Variants in PTPN22 observed in about 807,000 individuals in gnomAD.
PTPN22 encodes protein tyrosine phosphatase non-receptor type 22, also known as tyrosine-protein phosphatase non-receptor type 22.
PTPN22 carries 85 observed loss-of-function variants against 103.3 expected under a neutral mutation model. The ratio of observed to expected loss-of-function variants is 0.82; its 90% CI spans 0.69 to 0.99. PTPN22 has a LOEUF of 0.99. PTPN22 is among the 50% of genes least tolerant of loss of function. The probability of loss-of-function intolerance (pLI) is 0.00; values close to 1 mark genes in which losing one functional copy is unlikely to be tolerated. For missense variants in PTPN22, 865 were observed against 936.9 expected (o/e 0.92, Z 1.00); for synonymous variants, 323 against 310.2 (o/e 1.04, Z -0.43).
chr1:113,824,651 G>C (rs1661892687), intron 19 of PTPN22, among the ~76,000 whole-genome samples: 1 of 152,104 alleles, frequency 6.6e-6, no homozygotes, highest in Non-Finnish European at 1.5e-5. Context: ...AGGTTAGACT[G>C]CTGGAAATTT....
chr1:113,853,887 A>T (rs1664816405), intron 9 of PTPN22, among the ~76,000 whole-genome samples: 2 of 100,180 alleles, frequency 2.0e-5, no homozygotes, highest in African/African-American at 4.6e-5. Context: ...TTTTTTTGAG[A>T]CAGAGTCTCG....
intron 9 of PTPN22, among the ~76,000 whole-genome samples, chr1:113,853,239 A>T (rs1458022312): frequency 2.0e-5 from 3 of 152,098 alleles, no homozygotes; most frequent in Non-Finnish European, 4.4e-5. Context: ...CAACCAGCCA[A>T]GTTTGCTTGG....
Position 113,856,311 on chromosome 1 carries a change from C to A in PTPN22, c.540+71G>T, listed in dbSNP as rs1039855466. The A allele has an allele frequency of 4.7e-6, 7 of 1,474,728 alleles. No homozygotes were observed. The Admixed American group carries it at 7.8e-5, about 16-fold the overall frequency. The allele number at this position is 1,474,728 out of a possible 1,614,324, so 91.4% of individuals were successfully genotyped here. On this transcript the variant is annotated intron_variant, in intron 7 of 20. Coordinates refer to ENST00000359785, the Ensembl canonical transcript of PTPN22. ...CCCATTGTCTTATGCCCAGCCTGAG[C>A]TACACACATCTATATTTACTTGCCT...
In PTPN22 at chr1:113,814,777, A is replaced by G. The variant is rs537312489; in HGVS notation, c.*128T>C. On this transcript the variant is annotated 3_prime_UTR_variant, in exon 21 of 21. Coordinates refer to ENST00000359785, the Ensembl canonical transcript of PTPN22. ...GCATTTTGCTTTTCTTTTAAAAGCTATTAACACATTAGCATATCTTCATAT... is the reference window on the plus strand; with the variant it reads ...GCATTTTGCTTTTCTTTTAAAAGCTGTTAACACATTAGCATATCTTCATAT... The G allele has an allele frequency of 9.7e-5, 75 of 774,420 alleles. No individual in the cohort carries two copies. The East Asian group carries it at 1.9e-3, about 19-fold the overall frequency. The allele number at this position is 774,420 out of a possible 1,614,324, so 48.0% of individuals were successfully genotyped here.
At chr1:113,855,184 G>A (rs1232610676) in intron 7 of PTPN22, 135 bp from the exon 8 acceptor site, 25 of 725,338 alleles carry the variant, frequency 3.4e-5, no homozygotes, top group South Asian at 2.0e-4. Context: ...TTACGCCCTT[G>A]TGTCTTATAT....
rs1454197446 is a variant in PTPN22 at position 113,854,460 on chromosome 1, G to A, written c.750+11C>T. The A allele has an allele frequency of 1.9e-6, 3 of 1,609,916 alleles. No individual in the cohort carries two copies. Among genetic ancestry groups the A allele is most frequent in the Non-Finnish European group, 2.6e-6 (3 of 1,176,160 alleles). ...TAAGCAAATGGGAAGTGCCTGCTGAGAGAAACTCACCCCATCTTTTAGCAA... is the reference window on the plus strand; with the variant it reads ...TAAGCAAATGGGAAGTGCCTGCTGAAAGAAACTCACCCCATCTTTTAGCAA... On this transcript the variant is annotated intron_variant, in intron 9 of 20. Transcript: ENST00000359785.
At chr1:113,856,640 C>T in intron 5 of PTPN22, 21 bp from the exon 6 acceptor site, 1 of 1,614,112 alleles carries the variant, frequency 6.2e-7, no homozygotes, top group Middle Eastern at 1.6e-4. Context: ...AAGCAGAATA[C>T]AGTGATTTCC....
Position 113,847,042 on chromosome 1 carries a change from T to A in PTPN22, c.915+1498A>T, listed in dbSNP as rs1571412050. 4.5e-4 allele frequency among the ~76,000 whole-genome samples: 4 copies of A among 8,834 alleles called. No individual in the cohort carries two copies. The South Asian group carries it at 0.024, about 53-fold the overall frequency. 5.8% of individuals were successfully genotyped at this position (8,834 alleles called of 152,430 possible). A position where few individuals can be genotyped will look rare whatever the true frequency, so the allele number is the denominator to read the frequency against. On this transcript the variant is annotated intron_variant, in intron 11 of 20. Transcript: ENST00000359785. ...CCTTAGTTCCCTGCAGCTCTGTTTATTTTTTTTTCAGTCTATTTTATCACT... is the reference window on the plus strand; with the variant it reads ...CCTTAGTTCCCTGCAGCTCTGTTTAATTTTTTTTCAGTCTATTTTATCACT...
At chr1:113,813,983 T>C (rs1357123081) in exon 21 of PTPN22, 1 of 152,214 alleles carries the variant, frequency 6.6e-6, no homozygotes, top group African/African-American at 2.4e-5. Flanking sequence ...AATAAAGTTA[T>C]TTAAATAAAA....
At chr1:113,861,660 T>C (rs889058863) in intron 1 of PTPN22, among the ~76,000 whole-genome samples, 1 of 152,160 alleles carries the variant, frequency 6.6e-6, no homozygotes, top group Non-Finnish European at 1.5e-5. Flanking sequence ...ATTATAGGCA[T>C]GAGCCACCGC....
At chr1:113,825,252 G>T in intron 18 of PTPN22, 80 bp from the exon 19 acceptor site, 1 of 911,440 alleles carries the variant, frequency 1.1e-6, no homozygotes, top group Non-Finnish European at 1.6e-6. Flanking sequence ...ATAGACTTAA[G>T]TGAAAAGAAT....
intron 11 of PTPN22, among the ~76,000 whole-genome samples, chr1:113,846,854 T>C (rs1346109791): frequency 1.3e-5 from 2 of 152,204 alleles, no homozygotes; most frequent in Non-Finnish European, 2.9e-5. Flanking sequence ...ACAGTTAAGG[T>C]GTCATCTTTT....
chr1:113,817,172 T>A (rs961418133), intron 20 of PTPN22, among the ~76,000 whole-genome samples: 4 of 152,188 alleles, frequency 2.6e-5, no homozygotes, highest in Non-Finnish European at 4.4e-5. Context: ...TCAGTACAGA[T>A]CACTTGATTG....
At chr1:113,837,453 AAAAAAAAAG>A (rs1201166758) in intron 13 of PTPN22, 128 bp downstream of exon 13, 130 of 694,038 alleles carry the variant, frequency 1.9e-4, no homozygotes, top group Non-Finnish European at 2.6e-4. Flanking sequence ...CCATCTCAAA[AAAAAAAAAG>A]AAAAAAAAGA....
exon 21 of PTPN22, chr1:113,814,709 A>G (rs1192303818): frequency 7.3e-6 from 4 of 550,648 alleles, no homozygotes; most frequent in South Asian, 2.4e-5. Context: ...GCAGTTTTCA[A>G]CTCAATGCAA....
Position 113,859,334 on chromosome 1 carries a change from G to A in PTPN22, c.196+18C>T. 1.3e-6 allele frequency: 2 copies of A among 1,591,774 alleles called. No individual in the cohort carries two copies. The highest frequency in any genetic ancestry group is 1.7e-6 in the Non-Finnish European group (2 of 1,160,788). ...ATTTGGGAGAAAGTATGAGTTTATA[G>A]AGAGAAATGGAACTTACAGGGCAAA... On this transcript the variant is annotated intron_variant, in intron 2 of 20. Coordinates refer to ENST00000359785, the Ensembl canonical transcript of PTPN22.
intron 9 of PTPN22, 80 bp downstream of exon 9, chr1:113,854,391 T>C (rs1178893666): frequency 1.6e-6 from 2 of 1,254,830 alleles, no homozygotes; most frequent in South Asian, 1.2e-5. Context: ...TGAAGATAGA[T>C]GTTTTGAAAA....
exon 5 of PTPN22, chr1:113,857,776 T>C: frequency 6.2e-7 from 1 of 1,609,194 alleles, no homozygotes; most frequent in African/African-American, 1.3e-5. Context: ...ATAACAATGA[T>C]CTGGGGGATG....
At chr1:113,826,002 C>T (rs892573955) in intron 18 of PTPN22, among the ~76,000 whole-genome samples, 5 of 151,994 alleles carry the variant, frequency 3.3e-5, no homozygotes, top group African/African-American at 1.2e-4. Flanking sequence ...CGTGAGCCAC[C>T]GTGGCCAGCC....
Sources: allele counts gnomAD v4.1 joint callset (sites outside exome capture counted in the v4.1 genomes callset), GRCh38; gene constraint gnomAD v4.1.1; transcripts MANE v1.5; gene names NCBI Gene and HGNC (gene_info 2026-07-23, HGNC 2026-07-21).